Variants in RBM39 observed in about 807,000 individuals in gnomAD.
The protein encoded by RBM39 is RNA-binding protein 39.
In RBM39, 12 loss-of-function variants were observed where a neutral mutation model predicts 79.6. That is an observed-to-expected ratio of 0.15 (90% CI 0.10 to 0.24). The LOEUF (loss-of-function observed/expected upper bound fraction) is 0.24. RBM39 is among the 10% of genes least tolerant of loss of function. The pLI, the probability that RBM39 is intolerant of heterozygous loss-of-function variation, is 1.00. For synonymous variants in RBM39, 185 were observed against 208.4 expected, an observed-to-expected ratio of 0.89 and a Z score of 0.97; for missense variants, 243 against 653.4, an observed-to-expected ratio of 0.37 and a Z score of 6.85.
chr20:35,719,196 T>C (rs1435381157), intron 9 of RBM39, among the ~76,000 whole-genome samples: 1 of 151,990 alleles, frequency 6.6e-6, no homozygotes, highest in Non-Finnish European at 1.5e-5. Flanking sequence ...CAAGACCGGC[T>C]AATTTTTATA....
At chr20:35,714,449 T>C (rs1292586165) in intron 10 of RBM39, 60 bp from the exon 11 acceptor site, 1 of 1,474,038 alleles carries the variant, frequency 6.8e-7, no homozygotes, top group South Asian at 1.4e-5. Flanking sequence ...ATACAAACTA[T>C]ACTTAAAAAT....
chr20:35,724,787 G>A, intron 7 of RBM39, 65 bp from the exon 8 acceptor site: 6 of 1,547,626 alleles, frequency 3.9e-6, no homozygotes, highest in Non-Finnish European at 4.4e-6. Flanking sequence ...TATTTCAAGA[G>A]ACACTGTTGA....
intron 6 of RBM39, among the ~76,000 whole-genome samples, chr20:35,727,392 C>CG (rs1171760436): frequency 7.1e-6 from 1 of 140,076 alleles, no homozygotes; most frequent in African/African-American, 2.8e-5. Context: ...GCTTTCTAGC[C>CG]GGGGGTCTCA....
At chr20:35,731,546 T>C in intron 4 of RBM39, 1 of 177,708 alleles carries the variant, frequency 5.6e-6, no homozygotes, top group South Asian at 1.2e-4. Flanking sequence ...TTAGTATTCA[T>C]CAGAACTTTA....
rs117477504 is a variant in RBM39, at chr20:35,729,420, C to T, written c.362+42G>A. On this transcript the variant is annotated intron_variant, in intron 5 of 16. Coordinates refer to ENST00000253363, the MANE Select transcript of RBM39 (RefSeq NM_184234.3). Reference sequence around the variant, plus strand: ...CCAAACAAGTACAGCATGTTAGTTCCTTGAAAAACAATTTAAACAATTCAG... The same window carrying T: ...CCAAACAAGTACAGCATGTTAGTTCTTTGAAAAACAATTTAAACAATTCAG... 7.5e-4 allele frequency: 1,198 copies of T among 1,607,878 alleles called. 34 individuals are homozygous for T. The East Asian group carries it at 0.026, about 35-fold the overall frequency.
intron 7 of RBM39, 58 bp from the exon 8 acceptor site, chr20:35,724,780 T>G: frequency 6.4e-7 from 1 of 1,563,160 alleles, no homozygotes; most frequent in East Asian, 2.3e-5. Context: ...GTAGAATTAT[T>G]TCAAGAGACA....
intron 3 of RBM39, chr20:35,736,587 A>G: frequency 4.3e-6 from 2 of 470,362 alleles, no homozygotes; most frequent in South Asian, 3.1e-5. Flanking sequence ...AAAAGAGCCA[A>G]AAAGAAATCA....
chr20:35,716,064 T>C (rs2037087317), intron 10 of RBM39, among the ~76,000 whole-genome samples: 1 of 152,156 alleles, frequency 6.6e-6, no homozygotes, highest in Non-Finnish European at 1.5e-5. Context: ...ATTTATTTAT[T>C]TATAGTTTTA....
rs2040600249 is a variant in RBM39, at chr20:35,741,994, T to G, written c.-67A>C. The stretch of plus-strand genomic sequence containing the variant: ...CTCGTGTTCGGGAAGAGATTGCTGC[T>G]GCTGCTGCTGCTGCTGCCGCCGCCG... On this transcript the variant is annotated 5_prime_UTR_variant, in exon 1 of 17. Transcript: ENST00000253363. The G allele has an allele frequency of 1.1e-5, 2 of 186,678 alleles. No individual in the cohort carries two copies. Among genetic ancestry groups the G allele is most frequent in the South Asian group, 8.7e-5 (2 of 23,082 alleles). 11.6% of individuals were successfully genotyped at this position (186,678 alleles called of 1,614,324 possible).
chr20:35,701,901 T>G lies in RBM39; in HGVS notation c.*2580A>C, dbSNP rs1224737501. The G allele has an allele frequency of 7.4e-6, 1 of 135,954 alleles. No individual in the cohort carries two copies. Among genetic ancestry groups the G allele is most frequent in the Non-Finnish European group, 1.6e-5 (1 of 63,808 alleles). The allele number at this position is 135,954 out of a possible 1,614,324, so 8.4% of individuals were successfully genotyped here. A position where few individuals can be genotyped will look rare whatever the true frequency, so the allele number is the denominator to read the frequency against. ...TAAGGCACCACGTCCAGCCCGAGGT[T>G]GTTATTTAGATATACCTAGTGGCTT... is the stretch of plus-strand genomic sequence containing the variant. On this transcript the variant is annotated 3_prime_UTR_variant, in exon 17 of 17. Transcript: ENST00000253363.
At chr20:35,708,593 A>T (rs2036037179) in intron 13 of RBM39, among the ~76,000 whole-genome samples, 2 of 152,240 alleles carry the variant, frequency 1.3e-5, no homozygotes, top group South Asian at 4.1e-4. Flanking sequence ...ATTTCCCTAA[A>T]CATTAAGCAT....
At chr20:35,739,835 G>T (rs2040338359) in intron 2 of RBM39, 2 of 178,038 alleles carry the variant, frequency 1.1e-5, no homozygotes, top group South Asian at 1.1e-4. Context: ...CAAAACAAAT[G>T]TATTATTTTT....
At chr20:35,734,716 G>T in intron 3 of RBM39, 1 of 926,482 alleles carries the variant, frequency 1.1e-6, no homozygotes, top group South Asian at 3.5e-5. Flanking sequence ...GCAACCCCAG[G>T]CAGGTAAAAA....
intron 12 of RBM39, among the ~76,000 whole-genome samples, chr20:35,710,036 C>T (rs970103610): frequency 4.6e-5 from 7 of 152,110 alleles, no homozygotes; most frequent in Admixed American, 1.3e-4. Context: ...CTACAGTGGA[C>T]GCCATCTGAA....
chr20:35,736,810 G>A (rs1280013803), intron 3 of RBM39, among the ~76,000 whole-genome samples: 15 of 151,750 alleles, frequency 9.9e-5, no homozygotes, highest in Non-Finnish European at 1.5e-4. Context: ...GCACCACCAC[G>A]CCCAGCTAAT....
chr20:35,735,093 GA>G (rs745716815), intron 3 of RBM39: 35 of 1,529,422 alleles, frequency 2.3e-5, no homozygotes, highest in East Asian at 2.1e-4. Context: ...TGGAAAATAA[GA>G]AAAAAAATAG....
intron 6 of RBM39, among the ~76,000 whole-genome samples, chr20:35,726,184 T>C (rs1246796188): frequency 6.6e-6 from 1 of 152,118 alleles, no homozygotes; most frequent in Non-Finnish European, 1.5e-5. Flanking sequence ...CAGGCTGGAG[T>C]GCAGTGGCGC....
At chr20:35,711,222 G>C (rs1354159039) in intron 12 of RBM39, among the ~76,000 whole-genome samples, 1 of 151,988 alleles carries the variant, frequency 6.6e-6, no homozygotes. Flanking sequence ...GGAATACCTA[G>C]AACATGAACT....
intron 13 of RBM39, chr20:35,707,615 C>T (rs748741435): frequency 1.6e-4 from 31 of 189,258 alleles, no homozygotes; most frequent in East Asian, 3.4e-4. Flanking sequence ...CCTATTTCTT[C>T]GCTTTCTGCC....
Sources: gnomAD v4.1 joint callset for allele counts (sites outside exome capture counted in the v4.1 genomes callset) on GRCh38, gnomAD v4.1.1 for gene constraint, MANE v1.5 for transcripts, NCBI Gene and HGNC (gene_info 2026-07-23, HGNC 2026-07-21) for gene names.